SPIDR: variants seen among roughly 807,000 people sequenced by gnomAD.
SPIDR encodes the protein DNA repair-scaffolding protein.
A neutral mutation model predicts 104.6 loss-of-function variants in SPIDR; 93 were observed. The ratio of observed to expected loss-of-function variants is 0.89; its 90% confidence interval spans 0.75 to 1.06. The LOEUF is 1.06. SPIDR is among the 50% of genes least tolerant of loss of function. The probability of loss-of-function intolerance (pLI) is 0.00; values close to 1 mark genes in which losing one functional copy is unlikely to be tolerated. For synonymous variants in SPIDR, 431 were observed against 416.9 expected (o/e 1.03, Z -0.41); for missense variants, 1,154 against 1,111.2 (o/e 1.04, Z -0.55).
chr8:47,633,835 T>C (rs2154443593), intron 10 of SPIDR, among the ~76,000 whole-genome samples: 1 of 152,248 alleles, frequency 6.6e-6, no homozygotes, highest in Admixed American at 6.5e-5. Flanking sequence ...GGCTCTCGCC[T>C]GTAATCTCAA....
intron 5 of SPIDR, among the ~76,000 whole-genome samples, chr8:47,363,382 A>G (rs1420487559): frequency 4.0e-5 from 6 of 148,680 alleles, no homozygotes; most frequent in Non-Finnish European, 8.9e-5. Context: ...ATTTTTTTGT[A>G]TTTTTAGTAG....
intron 5 of SPIDR, among the ~76,000 whole-genome samples, chr8:47,342,283 T>C (rs1247729638): frequency 2.7e-5 from 4 of 150,554 alleles, no homozygotes; most frequent in Non-Finnish European, 5.9e-5. Context: ...AGGCAGATTC[T>C]CTTCCTCATA....
At chr8:47,328,766 T>C (rs1401197947) in intron 5 of SPIDR, among the ~76,000 whole-genome samples, 4 of 152,206 alleles carry the variant, frequency 2.6e-5, no homozygotes, top group African/African-American at 7.2e-5. Flanking sequence ...ATTGTTGATA[T>C]AGTTGCATCT....
At chr8:47,319,053 C>G (rs1554592407) in intron 5 of SPIDR, among the ~76,000 whole-genome samples, 6 of 151,664 alleles carry the variant, frequency 4.0e-5, no homozygotes. Context: ...GCAAAATAAC[C>G]AGCTAACATC....
intron 1 of SPIDR, among the ~76,000 whole-genome samples, chr8:47,264,639 T>TC (rs2033473862): frequency 6.6e-6 from 1 of 151,360 alleles, no homozygotes; most frequent in Non-Finnish European, 1.5e-5. Flanking sequence ...ATTTTCTTTT[T>TC]TTTTTTTTGA....
intron 8 of SPIDR, among the ~76,000 whole-genome samples, chr8:47,519,844 G>A (rs1475741146): frequency 6.6e-6 from 1 of 152,050 alleles, no homozygotes; most frequent in Non-Finnish European, 1.5e-5. Context: ...AAAATAAAAA[G>A]ATTAATTTAT....
At chr8:47,646,829 A>C (rs1404950636) in intron 10 of SPIDR, among the ~76,000 whole-genome samples, 1 of 152,160 alleles carries the variant, frequency 6.6e-6, no homozygotes, top group African/African-American at 2.4e-5. Flanking sequence ...TGAATTATAT[A>C]TATTACTCAG....
chr8:47,451,640 C>T (rs1267974473), intron 8 of SPIDR, among the ~76,000 whole-genome samples: 4 of 151,628 alleles, frequency 2.6e-5, no homozygotes, highest in African/African-American at 4.8e-5. Context: ...TTTGAGGAGG[C>T]AGAACACAGG....
At chr8:47,570,264 C>G (rs1482121093) in intron 8 of SPIDR, among the ~76,000 whole-genome samples, 1 of 152,150 alleles carries the variant, frequency 6.6e-6, no homozygotes, top group Non-Finnish European at 1.5e-5. Flanking sequence ...CTCTAAACCC[C>G]TCTATGGTCA....
intron 1 of SPIDR, among the ~76,000 whole-genome samples, chr8:47,267,700 G>A (rs1009956323): frequency 1.3e-5 from 2 of 152,140 alleles, no homozygotes; most frequent in African/African-American, 4.8e-5. Flanking sequence ...TGGGTTATTT[G>A]CTGTTTTATT....
At chr8:47,687,687 A>G (rs1286392184) in intron 11 of SPIDR, among the ~76,000 whole-genome samples, 4 of 152,156 alleles carry the variant, frequency 2.6e-5, no homozygotes, top group African/African-American at 9.7e-5. Flanking sequence ...TGCTGCCCCT[A>G]CCCTGATCCT....
chr8:47,711,769 G>A (rs2081928484), intron 14 of SPIDR, among the ~76,000 whole-genome samples: 1 of 152,094 alleles, frequency 6.6e-6, no homozygotes, highest in African/African-American at 2.4e-5. Flanking sequence ...ATTTCTATAT[G>A]TATAACTCGC....
intron 8 of SPIDR, among the ~76,000 whole-genome samples, chr8:47,595,509 G>T (rs1244813510): frequency 6.6e-6 from 1 of 152,048 alleles, no homozygotes; most frequent in African/African-American, 2.4e-5. Context: ...GACAGTTTTT[G>T]TTTATCCTCC....
At chr8:47,344,232 C>A (rs1419982696) in intron 5 of SPIDR, among the ~76,000 whole-genome samples, 1 of 151,422 alleles carries the variant, frequency 6.6e-6, no homozygotes, top group Admixed American at 6.6e-5. Context: ...GGTTTTCTGT[C>A]CTTGCGATAG....
intron 5 of SPIDR, among the ~76,000 whole-genome samples, chr8:47,373,662 A>G (rs1489058723): frequency 2.0e-5 from 3 of 152,168 alleles, no homozygotes; most frequent in African/African-American, 7.2e-5. Context: ...TAAGTCATCC[A>G]TCGTCTTTGC....
intron 10 of SPIDR, among the ~76,000 whole-genome samples, chr8:47,656,704 A>G (rs139904063): frequency 6.6e-6 from 1 of 152,364 alleles, no homozygotes; most frequent in African/African-American, 2.4e-5. Context: ...TGTAACTTCT[A>G]CAGAGTCACT....
intron 7 of SPIDR, among the ~76,000 whole-genome samples, chr8:47,421,166 G>A (rs1369775538): frequency 6.6e-6 from 1 of 152,204 alleles, no homozygotes; most frequent in East Asian, 1.9e-4. Flanking sequence ...TGCCTTGCTA[G>A]ATTGGGGAAG....
chr8:47,436,042 G>A (rs1014890280), intron 7 of SPIDR, among the ~76,000 whole-genome samples: 26 of 152,200 alleles, frequency 1.7e-4, no homozygotes, highest in African/African-American at 5.1e-4. Context: ...TGTGAATCGA[G>A]TATGAGAATG....
chr8:47,709,846 T>A (rs989727158), intron 14 of SPIDR, among the ~76,000 whole-genome samples: 1 of 151,876 alleles, frequency 6.6e-6, no homozygotes, highest in Admixed American at 6.6e-5. Context: ...CAACCTCAGA[T>A]AATCTTACAG....
Sources: gnomAD v4.1 joint callset for allele counts (sites outside exome capture counted in the v4.1 genomes callset) on GRCh38, gnomAD v4.1.1 for gene constraint, MANE v1.5 for transcripts, NCBI Gene and HGNC (gene_info 2026-07-23, HGNC 2026-07-21) for gene names.